CA1: variants seen among roughly 807,000 people sequenced by gnomAD.
CA1 encodes the protein carbonic anhydrase 1, also known as carbonate dehydratase I.
A neutral mutation model predicts 28.8 loss-of-function variants in CA1; 27 were observed. That is an observed-to-expected ratio of 0.94 (90% CI 0.69 to 1.29). CA1 has a LOEUF of 1.29. Ranked by LOEUF, CA1 falls within the 50% of genes most tolerant of loss-of-function variation. CA1 has a pLI of 0.00. For missense variants in CA1, 335 were observed against 310.5 expected, an observed-to-expected ratio of 1.08 and a Z score of -0.59; for synonymous variants, 121 against 108.8, an observed-to-expected ratio of 1.11 and a Z score of -0.70.
chr8:85,360,129 A>T (rs1463481081), intron 1 of CA1, among the ~76,000 whole-genome samples: 1 of 152,166 alleles, frequency 6.6e-6, no homozygotes, highest in Non-Finnish European at 1.5e-5. Context: ...TTCTTCCATA[A>T]ATCCTTCTAG....
At chr8:85,329,276 G>T (rs2130112678) in intron 7 of CA1, among the ~76,000 whole-genome samples, 1 of 152,188 alleles carries the variant, frequency 6.6e-6, no homozygotes, top group African/African-American at 2.4e-5. Flanking sequence ...GAGATATTTT[G>T]TTGAATATTT....
intron 4 of CA1, among the ~76,000 whole-genome samples, chr8:85,336,376 A>G (rs77267725): frequency 6.6e-6 from 1 of 152,158 alleles, no homozygotes; most frequent in Non-Finnish European, 1.5e-5. Flanking sequence ...TTTGGTGTAC[A>G]TGTCTCCATT....
At chr8:85,337,404 ATTCC>A (rs1451810454) in intron 3 of CA1, among the ~76,000 whole-genome samples, 1 of 152,210 alleles carries the variant, frequency 6.6e-6, no homozygotes, top group Non-Finnish European at 1.5e-5. Flanking sequence ...TTGCAAGTTT[ATTCC>A]TTCATTCTTT....
intron 4 of CA1, among the ~76,000 whole-genome samples, chr8:85,334,782 G>A (rs1372126067): frequency 6.6e-6 from 1 of 152,142 alleles, no homozygotes; most frequent in East Asian, 1.9e-4. Flanking sequence ...CACGAGGTCA[G>A]GAGTTCGAGA....
At chr8:85,352,652 C>T (rs1257905619) in intron 1 of CA1, among the ~76,000 whole-genome samples, 2 of 150,012 alleles carry the variant, frequency 1.3e-5, no homozygotes, top group Non-Finnish European at 3.0e-5. Flanking sequence ...CCTGCCAGCT[C>T]AGCCCTCAGC....
At chr8:85,354,514 C>T (rs1809533226) in intron 1 of CA1, among the ~76,000 whole-genome samples, 1 of 152,110 alleles carries the variant, frequency 6.6e-6, no homozygotes, top group Non-Finnish European at 1.5e-5. Flanking sequence ...TCTGTTTCCT[C>T]ACACATATAC....
At chr8:85,333,661 G>T in intron 4 of CA1, 41 bp from the exon 5 acceptor site, 1 of 1,271,592 alleles carries the variant, frequency 7.9e-7, no homozygotes, top group Non-Finnish European at 1.1e-6. Flanking sequence ...TTATACCAGT[G>T]TGATGAAAAA....
intron 3 of CA1, 188 bp from the exon 4 acceptor site, chr8:85,337,251 G>A: frequency 1.7e-6 from 1 of 601,674 alleles, no homozygotes; most frequent in Non-Finnish European, 3.0e-6. Context: ...ACCCCTGACT[G>A]TGGCATTGAT....
chr8:85,341,832 AT>A (rs1808946748), intron 1 of CA1, 173 bp from the exon 2 acceptor site: 4 of 551,996 alleles, frequency 7.2e-6, no homozygotes, highest in East Asian at 3.0e-5. Context: ...GTTGTAAAAA[AT>A]TCTACAAGGG....
At chr8:85,349,127 C>T (rs1809311337) in intron 1 of CA1, among the ~76,000 whole-genome samples, 1 of 152,144 alleles carries the variant, frequency 6.6e-6, no homozygotes, top group Admixed American at 6.5e-5. Flanking sequence ...ACACTAAGGA[C>T]ACAACAGGTG....
chr8:85,350,377 T>C (rs1180031647), intron 1 of CA1, among the ~76,000 whole-genome samples: 1 of 152,206 alleles, frequency 6.6e-6, no homozygotes, highest in East Asian at 1.9e-4. Flanking sequence ...TGAAAGGCGC[T>C]GCATTTCAAA....
chr8:85,356,922 C>T (rs1809625625), intron 1 of CA1, among the ~76,000 whole-genome samples: 2 of 152,142 alleles, frequency 1.3e-5, no homozygotes, highest in African/African-American at 4.8e-5. Context: ...ATTACAGAAT[C>T]CCAGTTGCAC....
intron 1 of CA1, among the ~76,000 whole-genome samples, chr8:85,374,884 G>A (rs1173553029): frequency 6.6e-6 from 1 of 152,028 alleles, no homozygotes; most frequent in East Asian, 1.9e-4. Context: ...ACCCACTAAA[G>A]CCAAACTAAA....
chr8:85,374,313 T>A (rs1301868292), intron 1 of CA1, among the ~76,000 whole-genome samples: 1 of 152,178 alleles, frequency 6.6e-6, no homozygotes, highest in Non-Finnish European at 1.5e-5. Context: ...TATCTCTTCA[T>A]ATAGCAAAAA....
At position 85,333,594 on chromosome 8, in the gene CA1, T is replaced by C. The variant is rs1808505312; in HGVS notation, c.381A>G (p.Ala127=). ...CAGCTTCAGCAAGGCTGGAGTACTT[T>C]GCAGAATTCCAGTGAGCTACGTGAA... ...AELHVAHWNS[A]KYSSLAEAAS... is the part of the protein sequence containing the mutation. The change falls in exon 5 of 8, where the codon GCA becomes GCG. Residue 127 remains alanine, a synonymous_variant. Coordinates refer to ENST00000523022, the MANE Select transcript of CA1 (RefSeq NM_001128831.4). The C allele has an allele frequency of 6.2e-7, 1 of 1,611,948 alleles. No homozygotes were observed. The highest frequency in any genetic ancestry group is 8.5e-7 in the Non-Finnish European group (1 of 1,178,490).
intron 1 of CA1, among the ~76,000 whole-genome samples, chr8:85,355,594 T>C: frequency 6.8e-6 from 1 of 146,196 alleles, no homozygotes; most frequent in East Asian, 2.0e-4. Context: ...AGAGACAGAG[T>C]CTTGCTATTT....
intron 4 of CA1, among the ~76,000 whole-genome samples, chr8:85,335,338 T>G (rs1329732961): frequency 2.0e-5 from 3 of 152,126 alleles, no homozygotes; most frequent in African/African-American, 7.2e-5. Flanking sequence ...ACATGAAAGG[T>G]GCTGGTCTAA....
intron 2 of CA1, chr8:85,341,272 T>C (rs1231230381): frequency 4.1e-6 from 1 of 241,620 alleles, no homozygotes; most frequent in Non-Finnish European, 7.9e-6. Context: ...AACAGCATAG[T>C]GTAAACATAA....
intron 4 of CA1, among the ~76,000 whole-genome samples, chr8:85,335,402 A>G (rs1210955257): frequency 2.0e-5 from 3 of 152,148 alleles, no homozygotes; most frequent in Admixed American, 6.5e-5. Context: ...ATTAAGATAG[A>G]TACTAATGCT....
Sources: allele counts gnomAD v4.1 joint callset (sites outside exome capture counted in the v4.1 genomes callset), GRCh38; gene constraint gnomAD v4.1.1; transcripts MANE v1.5; gene names NCBI Gene and HGNC (gene_info 2026-07-23, HGNC 2026-07-21).